GATAD2B: variants seen among roughly 807,000 people sequenced by gnomAD.
GATAD2B encodes the protein transcriptional repressor p66-beta.
A neutral mutation model predicts 64.3 loss-of-function variants in GATAD2B; 8 were observed. That is an observed-to-expected ratio of 0.12 (90% CI 0.07 to 0.22). The LOEUF (loss-of-function observed/expected upper bound fraction) is 0.22, where lower values mean the gene tolerates loss of function less well. Among genes scored for constraint, GATAD2B ranks in the 10% least tolerant of loss-of-function variants. The pLI is 1.00. For missense variants in GATAD2B, 453 were observed against 752.0 expected, an observed-to-expected ratio of 0.60 and a Z score of 4.65; for synonymous variants, 281 against 271.3, an observed-to-expected ratio of 1.04 and a Z score of -0.35.
At chr1:153,920,547 G>A (rs10494303) in intron 1 of GATAD2B, among the ~76,000 whole-genome samples, 68,716 of 152,050 alleles carry the variant, frequency 0.45, 16,000 homozygotes, top group East Asian at 0.77. Flanking sequence ...AAGTATTTGA[G>A]TGCAGCCTAT....
Position 153,805,469 on chromosome 1 carries a change from G to A in GATAD2B, c.*4708C>T, listed in dbSNP as rs1183954644. 2.6e-5 allele frequency: 4 copies of A among 152,196 alleles called. No individual in the cohort carries two copies. Among genetic ancestry groups the A allele is most frequent in the African/African-American group, 9.7e-5 (4 of 41,426 alleles). 9.4% of individuals were successfully genotyped at this position (152,196 alleles called of 1,614,324 possible). A position where few individuals can be genotyped will look rare whatever the true frequency, so the allele number is the denominator to read the frequency against. On this transcript the variant is annotated 3_prime_UTR_variant, in exon 11 of 11. Transcript: ENST00000368655. ...CCTAGTCCCCGCCCTCAGATGACTAGAGGCATAAAGGCAAAGATGTCACTG... is the reference window on the plus strand; with the variant it reads ...CCTAGTCCCCGCCCTCAGATGACTAAAGGCATAAAGGCAAAGATGTCACTG...
intron 1 of GATAD2B, among the ~76,000 whole-genome samples, chr1:153,868,151 G>A (rs527616147): frequency 6.6e-6 from 1 of 151,898 alleles, no homozygotes; most frequent in South Asian, 2.1e-4. Flanking sequence ...GCATTGAGCT[G>A]AGATCGTGCC....
chr1:153,887,348 G>A (rs1462439039), intron 1 of GATAD2B, among the ~76,000 whole-genome samples: 1 of 152,192 alleles, frequency 6.6e-6, no homozygotes, highest in Non-Finnish European at 1.5e-5. Context: ...AGGCAGTTTA[G>A]TCTAACAAGG....
At chr1:153,874,823 C>T (rs1201382894) in intron 1 of GATAD2B, among the ~76,000 whole-genome samples, 3 of 151,862 alleles carry the variant, frequency 2.0e-5, no homozygotes, top group African/African-American at 4.8e-5. Flanking sequence ...GTGATCCACT[C>T]GCCTTGGCCC....
intron 1 of GATAD2B, among the ~76,000 whole-genome samples, chr1:153,890,178 A>G (rs1470252260): frequency 1.3e-5 from 2 of 149,628 alleles, no homozygotes; most frequent in Non-Finnish European, 3.0e-5. Context: ...GTTTCAAAAA[A>G]AAAAAAAAGA....
chr1:153,881,949 G>A (rs570553762), intron 1 of GATAD2B, among the ~76,000 whole-genome samples: 9 of 152,144 alleles, frequency 5.9e-5, no homozygotes, highest in East Asian at 3.9e-4. Flanking sequence ...GTCTCCAAGC[G>A]GGCACTGCCC....
At chr1:153,869,216 C>T (rs762469585) in intron 1 of GATAD2B, among the ~76,000 whole-genome samples, 3 of 149,224 alleles carry the variant, frequency 2.0e-5, no homozygotes, top group Non-Finnish European at 3.0e-5. Flanking sequence ...CACTTGAACC[C>T]GGGAGGCAGA....
rs1674123525 is a variant in GATAD2B at position 153,806,744 on chromosome 1, G to A, written c.*3433C>T. 1 of 152,080 alleles carries A rather than the reference G, an allele frequency of 6.6e-6. No individual in the cohort carries two copies. The highest frequency in any genetic ancestry group is 1.9e-4 in the East Asian group (1 of 5,188). The allele number at this position is 152,080 out of a possible 1,614,324, so 9.4% of individuals were successfully genotyped here. A position where few individuals can be genotyped will look rare whatever the true frequency, so the allele number is the denominator to read the frequency against. On this transcript the variant is annotated 3_prime_UTR_variant, in exon 11 of 11. Coordinates refer to ENST00000368655, the MANE Select transcript of GATAD2B (RefSeq NM_020699.4). ...AAGCTAATGAAGGTCTTGATGGAAA[G>A]GATGGGAGCCTAGGACGGGGGTGGG...
chr1:153,852,093 G>A (rs1016015285), intron 1 of GATAD2B: 2 of 574,800 alleles, frequency 3.5e-6, no homozygotes, highest in African/African-American at 1.9e-5. Flanking sequence ...GGTGACAGGG[G>A]CAAGTTTAAT....
At chr1:153,913,232 C>A (rs776722457) in intron 1 of GATAD2B, among the ~76,000 whole-genome samples, 1 of 152,028 alleles carries the variant, frequency 6.6e-6, no homozygotes, top group Non-Finnish European at 1.5e-5. Flanking sequence ...CCAGCCAGGA[C>A]AAATTTCTTA....
chr1:153,869,708 G>GA (rs1676597593), intron 1 of GATAD2B, among the ~76,000 whole-genome samples: 2 of 152,244 alleles, frequency 1.3e-5, no homozygotes, highest in South Asian at 2.1e-4. Context: ...ACTGCTAGGT[G>GA]GTGTCACTAC....
chr1:153,916,880 C>T (rs1210082932), intron 1 of GATAD2B, among the ~76,000 whole-genome samples: 1 of 152,184 alleles, frequency 6.6e-6, no homozygotes, highest in Non-Finnish European at 1.5e-5. Context: ...ACAATCTCGG[C>T]TCACTGCAAC....
intron 1 of GATAD2B, among the ~76,000 whole-genome samples, chr1:153,850,500 A>G (rs1675848977): frequency 6.6e-6 from 1 of 152,080 alleles, no homozygotes; most frequent in African/African-American, 2.4e-5. Flanking sequence ...AGGTATCACT[A>G]TGTTGGCGAG....
At chr1:153,861,809 T>TATATGC (rs1294838675) in intron 1 of GATAD2B, among the ~76,000 whole-genome samples, 1 of 122,192 alleles carries the variant, frequency 8.2e-6, no homozygotes, top group Non-Finnish European at 1.7e-5. Flanking sequence ...TATATATATA[T>TATATGC]ACACATATGT....
At chr1:153,885,080 G>T (rs1677138012) in intron 1 of GATAD2B, among the ~76,000 whole-genome samples, 1 of 151,990 alleles carries the variant, frequency 6.6e-6, no homozygotes, top group Non-Finnish European at 1.5e-5. Context: ...TCTGGATATG[G>T]AAATTAATTC....
At chr1:153,811,543 C>A in intron 10 of GATAD2B, 188 bp downstream of exon 10, 1 of 672,748 alleles carries the variant, frequency 1.5e-6, no homozygotes, top group Non-Finnish European at 2.6e-6. Context: ...CACCAAAACC[C>A]TAGTGCATTG....
chr1:153,836,637 G>T (rs932619306), intron 1 of GATAD2B, among the ~76,000 whole-genome samples: 7 of 151,732 alleles, frequency 4.6e-5, no homozygotes, highest in Non-Finnish European at 2.9e-5. Flanking sequence ...AGCTATGATT[G>T]CGCCACTCTA....
chr1:153,810,430 G>A (rs1674255345), intron 10 of GATAD2B, 120 bp from the exon 11 acceptor site: 2 of 919,894 alleles, frequency 2.2e-6, no homozygotes, highest in African/African-American at 1.7e-5. Context: ...CCAGTATCTG[G>A]TCACACTTGG....
chr1:153,846,759 C>A (rs949758605), intron 1 of GATAD2B, among the ~76,000 whole-genome samples: 1 of 151,860 alleles, frequency 6.6e-6, no homozygotes, highest in African/African-American at 2.4e-5. Context: ...CGGGGTTTCA[C>A]CAGGTTGGCC....
Sources: gnomAD v4.1 joint callset for allele counts (sites outside exome capture counted in the v4.1 genomes callset) on GRCh38, gnomAD v4.1.1 for gene constraint, MANE v1.5 for transcripts, NCBI Gene and HGNC (gene_info 2026-07-23, HGNC 2026-07-21) for gene names.